Variants in AK9 observed in about 807,000 individuals in gnomAD.
AK9 encodes the protein adenylate kinase domain containing 1.
AK9 carries 191 observed loss-of-function variants against 239.6 expected under a neutral mutation model. The ratio of observed to expected loss-of-function variants is 0.80; its 90% CI spans 0.71 to 0.90. The LOEUF (loss-of-function observed/expected upper bound fraction) is 0.90, where lower values mean the gene tolerates loss of function less well. Among genes scored for constraint, AK9 ranks in the 40% least tolerant of loss-of-function variants. The pLI, the probability that AK9 is intolerant of heterozygous loss-of-function variation, is 0.00. For synonymous variants in AK9, 689 were observed against 721.0 expected, an observed-to-expected ratio of 0.96 and a Z score of 0.71; for missense variants, 1,995 against 2,214.7, an observed-to-expected ratio of 0.90 and a Z score of 1.99.
chr6:109,567,825 A>G (rs1786790449), intron 21 of AK9, among the ~76,000 whole-genome samples: 1 of 150,798 alleles, frequency 6.6e-6, no homozygotes, highest in Admixed American at 6.6e-5. Flanking sequence ...TGGCACATGT[A>G]TACATATGTA....
At chr6:109,598,077 T>C (rs1791307854) in intron 17 of AK9, among the ~76,000 whole-genome samples, 1 of 152,190 alleles carries the variant, frequency 6.6e-6, no homozygotes, top group Admixed American at 6.5e-5. Context: ...AATTTATATA[T>C]ATATTTTAAA....
chr6:109,629,923 G>A (rs966779365), intron 12 of AK9, among the ~76,000 whole-genome samples: 3 of 152,040 alleles, frequency 2.0e-5, no homozygotes, highest in African/African-American at 7.2e-5. Context: ...GTGAGCCACC[G>A]GGAGATATGT....
intron 24 of AK9, among the ~76,000 whole-genome samples, chr6:109,551,833 CA>C (rs1414619500): frequency 2.0e-5 from 3 of 151,500 alleles, no homozygotes; most frequent in African/African-American, 7.3e-5. Flanking sequence ...ACACATGTGC[CA>C]TGGTGGTTTG....
chr6:109,532,977 C>T (rs1219489165), intron 28 of AK9, among the ~76,000 whole-genome samples: 1 of 152,170 alleles, frequency 6.6e-6, no homozygotes, highest in Non-Finnish European at 1.5e-5. Context: ...TTTGTTACCT[C>T]TTCCACTTTG....
At chr6:109,651,662 T>C (rs1027026138) in intron 8 of AK9, among the ~76,000 whole-genome samples, 26 of 152,172 alleles carry the variant, frequency 1.7e-4, no homozygotes, top group African/African-American at 5.8e-4. Flanking sequence ...ACAAAATTGA[T>C]AGACCACTAA....
At chr6:109,562,918 G>T (rs1029894884) in intron 24 of AK9, among the ~76,000 whole-genome samples, 1 of 152,138 alleles carries the variant, frequency 6.6e-6, no homozygotes, top group Non-Finnish European at 1.5e-5. Flanking sequence ...TGAAAGAAAA[G>T]AATCTGAATC....
chr6:109,604,634 TA>T (rs1792595779), intron 17 of AK9, among the ~76,000 whole-genome samples: 1 of 152,212 alleles, frequency 6.6e-6, no homozygotes, highest in African/African-American at 2.4e-5. Context: ...TTTTACTAGT[TA>T]GTAGAGTAAG....
chr6:109,688,846 A>G (rs1381999301), intron 1 of AK9, among the ~76,000 whole-genome samples: 2 of 152,126 alleles, frequency 1.3e-5, no homozygotes, highest in Non-Finnish European at 2.9e-5. Context: ...CTGCTATGTG[A>G]TTGGATGAGA....
In AK9 at chr6:109,533,338, A is replaced by G; in HGVS notation, c.3483T>C (p.Leu1161=). ...GTTTCCACTTTTCAATTTGGGCAGG[A>G]AGGAGGCGATCAAAAATATCTTGAT... ...VDDQDIFDRL[L]PAQIEKWKLK... is the part of the protein sequence containing the mutation. The change falls in exon 28 of 41, where the codon CTT becomes CTC. Residue 1161 remains leucine (L), a synonymous_variant. Coordinates refer to ENST00000424296, the MANE Select transcript of AK9 (RefSeq NM_001145128.3). The G allele has an allele frequency of 1.2e-6, 2 of 1,612,170 alleles. No individual in the cohort carries two copies. The highest frequency in any genetic ancestry group is 2.2e-5 in the East Asian group (1 of 44,822).
intron 17 of AK9, among the ~76,000 whole-genome samples, chr6:109,593,011 T>G (rs568586407): frequency 4.6e-5 from 7 of 152,126 alleles, no homozygotes; most frequent in Non-Finnish European, 8.8e-5. Context: ...CTATAACTAG[T>G]AGGTTGGGAC....
chr6:109,539,142 A>T (rs886121803), intron 27 of AK9, among the ~76,000 whole-genome samples: 43 of 152,138 alleles, frequency 2.8e-4, no homozygotes, highest in African/African-American at 9.9e-4. Context: ...CTGAATTTGA[A>T]TGTTGGCCTG....
chr6:109,659,490 T>C, intron 6 of AK9, 77 bp from the exon 7 acceptor site: 1 of 1,501,600 alleles, frequency 6.7e-7, no homozygotes, highest in Non-Finnish European at 8.9e-7. Flanking sequence ...TTGAATATAT[T>C]GTACAGTACA....
intron 12 of AK9, among the ~76,000 whole-genome samples, chr6:109,630,710 T>G (rs1156817714): frequency 6.6e-6 from 1 of 151,916 alleles, no homozygotes; most frequent in Non-Finnish European, 1.5e-5. Context: ...CCAGGCATGG[T>G]GGTGTGCATC....
At chr6:109,511,342 CTT>C (rs1778728861) in intron 32 of AK9, among the ~76,000 whole-genome samples, 1 of 152,116 alleles carries the variant, frequency 6.6e-6, no homozygotes, top group South Asian at 2.1e-4. Context: ...TAATGGCACA[CTT>C]GACATTTTAA....
At chr6:109,559,132 G>A (rs1463549810) in intron 24 of AK9, among the ~76,000 whole-genome samples, 2 of 150,738 alleles carry the variant, frequency 1.3e-5, no homozygotes, top group Non-Finnish European at 2.9e-5. Context: ...GATTACAGAC[G>A]TGAGCCACCA....
At chr6:109,558,350 G>T (rs1785279558) in intron 24 of AK9, among the ~76,000 whole-genome samples, 1 of 152,064 alleles carries the variant, frequency 6.6e-6, no homozygotes. Context: ...GTTTCTTCCA[G>T]AAGTTTTGTA....
intron 12 of AK9, among the ~76,000 whole-genome samples, chr6:109,627,412 A>G (rs1795669877): frequency 1.3e-5 from 2 of 152,126 alleles, no homozygotes; most frequent in South Asian, 4.2e-4. Context: ...CATTAACATC[A>G]TTGTTTTTTA....
intron 17 of AK9, among the ~76,000 whole-genome samples, chr6:109,598,280 GT>G (rs1369158515): frequency 6.9e-6 from 1 of 145,618 alleles, no homozygotes; most frequent in African/African-American, 2.6e-5. Flanking sequence ...GTGTCCATGT[GT>G]TCTCATTGTT....
At chr6:109,555,845 C>A (rs1784957835) in intron 24 of AK9, among the ~76,000 whole-genome samples, 1 of 152,014 alleles carries the variant, frequency 6.6e-6, no homozygotes, top group Non-Finnish European at 1.5e-5. Flanking sequence ...CTTTTTTTGG[C>A]TTTCCATTTA....
Sources: allele counts gnomAD v4.1 joint callset (sites outside exome capture counted in the v4.1 genomes callset), GRCh38; gene constraint gnomAD v4.1.1; transcripts MANE v1.5; gene names NCBI Gene and HGNC (gene_info 2026-07-23, HGNC 2026-07-21).